Variants in CFDP1 observed in about 807,000 individuals in gnomAD.
CFDP1 encodes chromatin remodeling protein CFDP1, also known as heterochromatin-stabilizing protein CFDP1.
CFDP1 carries 31 observed loss-of-function variants against 40.1 expected under a neutral mutation model. The observed-to-expected ratio is 0.77, with a 90% CI of 0.58 to 1.04. The LOEUF (loss-of-function observed/expected upper bound fraction) is 1.04, where lower values mean the gene tolerates loss of function less well. Ranked by LOEUF, CFDP1 falls within the 50% of genes least tolerant of loss-of-function variation. The pLI, the probability that CFDP1 is intolerant of heterozygous loss-of-function variation, is 0.00. For synonymous variants in CFDP1, 167 were observed against 120.0 expected (o/e 1.39, Z -2.56); for missense variants, 423 against 343.4 (o/e 1.23, Z -1.83).
At position 75,424,755 on chromosome 16, in the gene CFDP1, C is replaced by CAA. The variant is rs34126287; in HGVS notation, c.64+8532_64+8533dup. 9.6e-3 allele frequency among the ~76,000 whole-genome samples: 1,245 copies of CAA among 129,338 alleles called. 32 individuals are homozygous for CAA. The highest frequency in any genetic ancestry group is 0.033 in the African/African-American group (1,121 of 33,678). The allele number at this position is 129,338 out of a possible 152,430, so 84.9% of individuals were successfully genotyped here. ...TGGGCAACAGAGGGAGACTCCGTCT[C>CAA]AAAAAAAAAAAAAAAAAGATTGGGA... On this transcript the variant is annotated intron_variant, in intron 1 of 6. Transcript: ENST00000283882.
chr16:75,413,803 A>G (rs949175516), intron 2 of CFDP1, among the ~76,000 whole-genome samples: 2 of 152,206 alleles, frequency 1.3e-5, no homozygotes, highest in African/African-American at 2.4e-5. Context: ...AATTTTCATA[A>G]TTTTCATGGG....
intron 5 of CFDP1, among the ~76,000 whole-genome samples, chr16:75,326,996 C>A (rs9935954): frequency 2.0e-5 from 3 of 152,082 alleles, no homozygotes; most frequent in Non-Finnish European, 4.4e-5. Context: ...ATAGGCCGGG[C>A]GCAGTGGCTG....
At chr16:75,405,622 C>T (rs550407948) in intron 4 of CFDP1, among the ~76,000 whole-genome samples, 2 of 151,848 alleles carry the variant, frequency 1.3e-5, no homozygotes, top group African/African-American at 4.8e-5. Flanking sequence ...CATGGTGGTG[C>T]GTGCCTGTAG....
In CFDP1 at chr16:75,294,000, C is replaced by A. The variant is rs143670943; in HGVS notation, c.852G>T (p.Arg284Ser). The change falls in exon 7 of 7, where the codon AGG becomes AGT. Residue 284 changes from arginine (R) to serine (S), a missense_variant. Arg to Ser is a moderately radical substitution (Grantham distance 110, BLOSUM62 -1). Transcript: ENST00000283882. ...RKAFLDRVDH[R>S]QFEIERDLRL... ...TGAGATCTCGCTCAATTTCAAACTG[C>A]CTGTGATCCACTCGGTCAAGGAAGG... 2.8e-5 allele frequency: 46 copies of A among 1,614,096 alleles called. No homozygotes were observed. In the South Asian group the frequency reaches 4.8e-4, roughly 17 times the overall value.
rs9935851 is a variant in CFDP1 at position 75,414,772 on chromosome 16, C to T, written c.65-77G>A. On this transcript the variant is annotated intron_variant, in intron 1 of 6. Coordinates refer to ENST00000283882, the MANE Select transcript of CFDP1 (RefSeq NM_006324.3). Reference sequence around the variant, plus strand: ...GATGAGACATTTTCATTAATACAAGCTTTCACACCGAGACATTTTCATTAA... The same window carrying T: ...GATGAGACATTTTCATTAATACAAGTTTTCACACCGAGACATTTTCATTAA... 1.9e-3 allele frequency: 1,667 copies of T among 888,060 alleles called. 17 individuals carry two copies. The African/African-American group carries it at 0.024, about 13-fold the overall frequency. 55.0% of individuals were successfully genotyped at this position (888,060 alleles called of 1,614,324 possible). A position where few individuals can be genotyped will look rare whatever the true frequency, so the allele number is the denominator to read the frequency against.
At chr16:75,358,983 T>C (rs2078664220) in intron 5 of CFDP1, among the ~76,000 whole-genome samples, 1 of 152,220 alleles carries the variant, frequency 6.6e-6, no homozygotes, top group African/African-American at 2.4e-5. Flanking sequence ...CTGTTCACAT[T>C]TGGCGTAGTA....
intron 5 of CFDP1, among the ~76,000 whole-genome samples, chr16:75,313,577 C>T (rs895625669): frequency 6.6e-6 from 1 of 152,192 alleles, no homozygotes; most frequent in Non-Finnish European, 1.5e-5. Flanking sequence ...GTGATCTGCC[C>T]GCCTGGGTCT....
At chr16:75,316,569 TAAAA>T (rs780200659) in intron 5 of CFDP1, among the ~76,000 whole-genome samples, 7 of 26,602 alleles carry the variant, frequency 2.6e-4, no homozygotes, top group South Asian at 1.2e-3. Context: ...AGACCCTGTC[TAAAA>T]AAAAAAAAAA....
At chr16:75,394,180 C>A (rs2078977392) in intron 5 of CFDP1, among the ~76,000 whole-genome samples, 1 of 152,222 alleles carries the variant, frequency 6.6e-6, no homozygotes, top group South Asian at 2.1e-4. Context: ...CTATGCAGAA[C>A]TCCCCACAGG....
chr16:75,415,545 G>T (rs890877709), intron 1 of CFDP1, among the ~76,000 whole-genome samples: 4 of 152,116 alleles, frequency 2.6e-5, no homozygotes, highest in Non-Finnish European at 4.4e-5. Context: ...TACCCCTAAA[G>T]GGAACCAATA....
At chr16:75,337,247 G>A (rs137867637) in intron 5 of CFDP1, among the ~76,000 whole-genome samples, 94 of 152,326 alleles carry the variant, frequency 6.2e-4, no homozygotes, top group African/African-American at 2.0e-3. Flanking sequence ...GACACTGGGA[G>A]AGGGAGCGAG....
chr16:75,304,283 G>T (rs750924842), intron 6 of CFDP1, among the ~76,000 whole-genome samples: 18 of 152,096 alleles, frequency 1.2e-4, no homozygotes, highest in Non-Finnish European at 2.5e-4. Context: ...GGCTAGGCTG[G>T]TCTCGAAATC....
intron 5 of CFDP1, among the ~76,000 whole-genome samples, chr16:75,361,246 A>G (rs556513110): frequency 6.6e-6 from 1 of 152,212 alleles, no homozygotes; most frequent in South Asian, 2.1e-4. Flanking sequence ...TCTGGCCTCA[A>G]GTGATCCACC....
chr16:75,371,874 C>A (rs1026578489), intron 5 of CFDP1, among the ~76,000 whole-genome samples: 1 of 152,088 alleles, frequency 6.6e-6, no homozygotes, highest in Non-Finnish European at 1.5e-5. Flanking sequence ...TTTATAATTT[C>A]CTTGTCCTAA....
intron 5 of CFDP1, among the ~76,000 whole-genome samples, chr16:75,358,734 C>T (rs887597532): frequency 1.3e-5 from 2 of 152,100 alleles, no homozygotes; most frequent in Non-Finnish European, 2.9e-5. Context: ...TGAACAATGT[C>T]TGTCTGTCCA....
intron 6 of CFDP1, among the ~76,000 whole-genome samples, chr16:75,294,464 T>C (rs1423661177): frequency 6.6e-6 from 1 of 152,062 alleles, no homozygotes; most frequent in Non-Finnish European, 1.5e-5. Flanking sequence ...TGTGTTGAAT[T>C]GGTGGGTAAG....
intron 5 of CFDP1, among the ~76,000 whole-genome samples, chr16:75,335,312 C>G (rs1022429287): frequency 6.6e-6 from 1 of 152,100 alleles, no homozygotes; most frequent in Non-Finnish European, 1.5e-5. Context: ...ATAACTTAAA[C>G]CTTTATTTGG....
intron 5 of CFDP1, among the ~76,000 whole-genome samples, chr16:75,308,654 G>T (rs1427715138): frequency 6.6e-6 from 1 of 152,190 alleles, no homozygotes; most frequent in African/African-American, 2.4e-5. Context: ...CTACACTGGA[G>T]ATTTTAAGGG....
At chr16:75,388,130 A>G (rs915130181) in intron 5 of CFDP1, among the ~76,000 whole-genome samples, 6 of 152,230 alleles carry the variant, frequency 3.9e-5, no homozygotes, top group African/African-American at 1.4e-4. Flanking sequence ...CCAATCATCA[A>G]CTATGTAACT....
Sources: gnomAD v4.1 joint callset for allele counts (sites outside exome capture counted in the v4.1 genomes callset) on GRCh38, gnomAD v4.1.1 for gene constraint, MANE v1.5 for transcripts, NCBI Gene and HGNC (gene_info 2026-07-23, HGNC 2026-07-21) for gene names.